Variants in PRSS3 observed in about 807,000 individuals in gnomAD.
The protein encoded by PRSS3 is trypsin-3.
Under a neutral mutation model 20.8 loss-of-function variants are expected in PRSS3, and 14 were observed. The ratio of observed to expected loss-of-function variants is 0.67; its 90% CI spans 0.44 to 1.05. PRSS3 has a LOEUF of 1.05. Among genes scored for constraint, PRSS3 ranks in the 50% least tolerant of loss-of-function variants. The pLI is 0.00. For missense variants in PRSS3, 237 were observed against 306.4 expected (o/e 0.77, Z 1.69); for synonymous variants, 91 against 117.6 (o/e 0.77, Z 1.46).
chr9:33,799,140 A>G lies in PRSS3; in HGVS notation c.704A>G (p.Tyr235Cys). 5.0e-6 allele frequency: 8 copies of G among 1,614,134 alleles called. No homozygotes were observed. Among genetic ancestry groups the G allele is most frequent in the Non-Finnish European group, 6.8e-6 (8 of 1,180,012 alleles). Reference sequence around the variant, plus strand: ...GGAGTCTACACCAAGGTCTACAACTATGTGGACTGGATTAAGGACACCATC... The same window carrying G: ...GGAGTCTACACCAAGGTCTACAACTGTGTGGACTGGATTAAGGACACCATC... ...RPGVYTKVYNYVDWIKDTIAA... is the reference protein window; with the variant it reads ...RPGVYTKVYNCVDWIKDTIAA... Residue 235 changes from tyrosine (Y) to cysteine (C), a missense_variant, in exon 5 of 5, where the codon TAT (tyrosine) becomes TGT (cysteine). Coordinates refer to ENST00000379405, the MANE Select transcript of PRSS3 (RefSeq NM_002771.4).
chr9:33,786,185 A>G, intron 1 of PRSS3: 2 of 477,314 alleles, frequency 4.2e-6, no homozygotes, highest in Non-Finnish European at 7.5e-6. Context: ...TTCACTTCTT[A>G]GTGCCTTTTC....
intron 1 of PRSS3, among the ~76,000 whole-genome samples, chr9:33,770,307 G>T (rs1341477172): frequency 3.9e-5 from 6 of 152,196 alleles, no homozygotes; most frequent in African/African-American, 1.4e-4. Context: ...TGGTCATAAA[G>T]GTTCACAGCT....
intron 1 of PRSS3, chr9:33,786,004 G>A (rs898207073): frequency 4.0e-5 from 9 of 222,258 alleles, no homozygotes; most frequent in South Asian, 1.3e-4. Context: ...GTAAGTGGCC[G>A]GTGCATGCTG....
intron 1 of PRSS3, among the ~76,000 whole-genome samples, chr9:33,774,414 G>A (rs1002687456): frequency 1.3e-5 from 2 of 152,158 alleles, no homozygotes; most frequent in African/African-American, 2.4e-5. Flanking sequence ...AATTTTAGAC[G>A]AGGTGAAAGG....
upstream of PRSS3, among the ~76,000 whole-genome samples, chr9:33,793,232 A>C (rs1456704127): frequency 6.6e-6 from 1 of 152,204 alleles, no homozygotes; most frequent in Non-Finnish European, 1.5e-5. Flanking sequence ...CCCGTTCTCC[A>C]AAAAAAGTTT....
chr9:33,789,891 T>A (rs1824558415), intron 1 of PRSS3, among the ~76,000 whole-genome samples: 1 of 152,210 alleles, frequency 6.6e-6, no homozygotes, highest in South Asian at 2.1e-4. Context: ...CCTTAACAAG[T>A]TACACAATTT....
rs41304747 is a variant in PRSS3 at position 33,798,632 on chromosome 9, C to T, written c.591+10C>T. On this transcript the variant is annotated intron_variant, in intron 4 of 4. Transcript: ENST00000379405. Reference sequence around the variant, plus strand: ...CAAGGATTCCTGCCAGGTGATTTGACCCTTTCCCATGCTGAGGCTCCCACC... The same window carrying T: ...CAAGGATTCCTGCCAGGTGATTTGATCCTTTCCCATGCTGAGGCTCCCACC... 7,598 of 1,602,554 alleles carry T rather than the reference C, an allele frequency of 4.7e-3. 28 individuals carry two copies. The highest frequency in any genetic ancestry group is 7.2e-3 in the Middle Eastern group (43 of 6,006).
chr9:33,798,904 C>T, intron 4 of PRSS3, 124 bp from the exon 5 acceptor site: 1 of 1,313,870 alleles, frequency 7.6e-7, no homozygotes, highest in East Asian at 2.3e-5. Context: ...GAGAATGGGC[C>T]ACCGTGGGAA....
intron 1 of PRSS3, among the ~76,000 whole-genome samples, chr9:33,761,641 G>A (rs1823212667): frequency 6.6e-6 from 1 of 152,090 alleles, no homozygotes; most frequent in African/African-American, 2.4e-5. Context: ...GGGAGGTGGA[G>A]GTTGCCGTGA....
At chr9:33,788,268 C>T (rs1253278972) in intron 1 of PRSS3, among the ~76,000 whole-genome samples, 1 of 152,142 alleles carries the variant, frequency 6.6e-6, no homozygotes, top group Non-Finnish European at 1.5e-5. Flanking sequence ...CAGACAGGTG[C>T]AGAGTTTTGG....
chr9:33,781,970 A>C (rs1287278565), intron 1 of PRSS3, among the ~76,000 whole-genome samples: 1 of 152,226 alleles, frequency 6.6e-6, no homozygotes. Flanking sequence ...GTTGCAGTCA[A>C]GGACCCCCTG....
chr9:33,755,688 T>C (rs1313020136), intron 1 of PRSS3, among the ~76,000 whole-genome samples: 1 of 152,166 alleles, frequency 6.6e-6, no homozygotes, highest in East Asian at 1.9e-4. Flanking sequence ...CCCCATGGAA[T>C]GGGGTGTAGG....
At chr9:33,787,917 A>G (rs1824478313) in intron 1 of PRSS3, among the ~76,000 whole-genome samples, 1 of 152,222 alleles carries the variant, frequency 6.6e-6, no homozygotes, top group South Asian at 2.1e-4. Flanking sequence ...GGGAAAACAG[A>G]GGCCTAAGAT....
intron 1 of PRSS3, among the ~76,000 whole-genome samples, chr9:33,779,068 AT>A (rs1824066939): frequency 6.6e-6 from 1 of 152,220 alleles, no homozygotes; most frequent in South Asian, 2.1e-4. Flanking sequence ...CTCTGAAAGC[AT>A]CCAGAAATGA....
intron 1 of PRSS3, among the ~76,000 whole-genome samples, chr9:33,763,504 C>T (rs1823293759): frequency 1.3e-5 from 2 of 151,806 alleles, no homozygotes; most frequent in South Asian, 4.2e-4. Flanking sequence ...TCGAGACCAT[C>T]CTGGCTAACA....
At chr9:33,795,117 T>G (rs574556762), upstream of PRSS3, among the ~76,000 whole-genome samples, 1 of 152,200 alleles carries the variant, frequency 6.6e-6, no homozygotes, top group African/African-American at 2.4e-5. Context: ...ACTTTCCTCC[T>G]CTCGTGGGGG....
upstream of PRSS3, among the ~76,000 whole-genome samples, chr9:33,791,986 C>T (rs1824653526): frequency 6.6e-6 from 1 of 152,106 alleles, no homozygotes; most frequent in South Asian, 2.1e-4. Flanking sequence ...ATGGGCTACT[C>T]CATTTAGCTG....
intron 1 of PRSS3, among the ~76,000 whole-genome samples, chr9:33,767,308 GT>G (rs1823478363): frequency 6.6e-6 from 1 of 151,514 alleles, no homozygotes; most frequent in African/African-American, 2.4e-5. Context: ...AACAGAAAAA[GT>G]AAAAAATAAA....
At chr9:33,760,277 A>AGTTG (rs1282000586) in intron 1 of PRSS3, among the ~76,000 whole-genome samples, 44 of 151,966 alleles carry the variant, frequency 2.9e-4, no homozygotes, top group Middle Eastern at 3.4e-3. Context: ...GCAACTGGTA[A>AGTTG]CTGCTTCTTT....
Sources: gnomAD v4.1 joint callset for allele counts (sites outside exome capture counted in the v4.1 genomes callset) on GRCh38, gnomAD v4.1.1 for gene constraint, MANE v1.5 for transcripts, NCBI Gene and HGNC (gene_info 2026-07-23, HGNC 2026-07-21) for gene names.